The following SS18 variants were observed in gnomAD, a reference collection of about 807,000 sequenced individuals.
The protein encoded by SS18 is protein SSXT.
SS18 carries 28 observed loss-of-function variants against 72.5 expected under a neutral mutation model. That is an observed-to-expected ratio of 0.39 (90% CI 0.29 to 0.53). The LOEUF is 0.53. Ranked by LOEUF, SS18 falls within the 20% of genes least tolerant of loss-of-function variation. The pLI is 0.76. For synonymous variants in SS18, 172 were observed against 164.2 expected, an observed-to-expected ratio of 1.05 and a Z score of -0.37; for missense variants, 518 against 535.3, an observed-to-expected ratio of 0.97 and a Z score of 0.32.
intron 10 of SS18, 89 bp downstream of exon 10, chr18:26,032,310 C>G: frequency 6.8e-7 from 1 of 1,470,272 alleles, no homozygotes; most frequent in Non-Finnish European, 9.3e-7. Flanking sequence ...AAACATGAGG[C>G]TTCAAGTTAA....
chr18:26,086,779 T>C (rs1215598692), intron 2 of SS18, among the ~76,000 whole-genome samples: 1 of 152,218 alleles, frequency 6.6e-6, no homozygotes, highest in African/African-American at 2.4e-5. Flanking sequence ...TTTCACCACA[T>C]ACATGGATGC....
intron 5 of SS18, among the ~76,000 whole-genome samples, chr18:26,041,007 G>C (rs966845776): frequency 2.0e-5 from 3 of 152,082 alleles, no homozygotes; most frequent in Non-Finnish European, 4.4e-5. Context: ...TTTAGCCAAG[G>C]AATCTAAAAA....
At chr18:26,054,726 A>G (rs1341102619) in intron 4 of SS18, among the ~76,000 whole-genome samples, 1 of 151,402 alleles carries the variant, frequency 6.6e-6, no homozygotes, top group East Asian at 1.9e-4. Context: ...TATTTTATAT[A>G]GAGAAAATCT....
chr18:26,053,340 T>C (rs2053956550), intron 4 of SS18, among the ~76,000 whole-genome samples: 2 of 150,522 alleles, frequency 1.3e-5, no homozygotes, highest in Non-Finnish European at 2.9e-5. Flanking sequence ...CACTAACTAA[T>C]TCTAGATGAA....
rs371497796 is a variant in SS18 at position 26,059,437 on chromosome 18, G to A, written c.232-1695C>T. Among the ~76,000 whole-genome samples, 11 of 152,170 alleles carry A rather than the reference G, an allele frequency of 7.2e-5. No individual in the cohort carries two copies. The East Asian group carries it at 7.7e-4, about 11-fold the overall frequency. On this transcript the variant is annotated intron_variant, in intron 3 of 10. Coordinates refer to ENST00000415083, the MANE Select transcript of SS18 (RefSeq NM_001007559.3). ...TAAAGAATAAATTTCCAGAGAGAAA[G>A]GACCACAAGAGGGGAAACATTCAAG... is the stretch of plus-strand genomic sequence containing the variant.
chr18:26,066,867 T>C (rs770502460), intron 3 of SS18, among the ~76,000 whole-genome samples: 9 of 152,214 alleles, frequency 5.9e-5, no homozygotes, highest in Non-Finnish European at 1.3e-4. Flanking sequence ...TTTGTGGAAC[T>C]TTCCATAATC....
intron 7 of SS18, among the ~76,000 whole-genome samples, chr18:26,038,061 A>T (rs571167910): frequency 6.6e-6 from 1 of 152,170 alleles, no homozygotes; most frequent in Non-Finnish European, 1.5e-5. Context: ...AATTTTTCTC[A>T]AAGGCAAGCA....
intron 10 of SS18, among the ~76,000 whole-genome samples, chr18:26,026,947 G>C (rs2053456079): frequency 6.6e-6 from 1 of 152,198 alleles, no homozygotes; most frequent in South Asian, 2.1e-4. Context: ...ATATGACACT[G>C]TTAAAAAAAA....
chr18:26,035,538 G>A lies in SS18; in HGVS notation c.973+293C>T, dbSNP rs866721641. On this transcript the variant is annotated intron_variant, in intron 8 of 10. Transcript: ENST00000415083. This position sits in a 1 kb window ranked among gnomAD's most constrained non-coding sequence, Gnocchi z 4.4. ...AAATTATACATATGTAAACACACAC[G>A]AGAAAAAAAAGTTTGATGGATTTAT... The A allele has an allele frequency of 3.3e-6, 1 of 300,612 alleles. No homozygotes were observed. 18.6% of individuals were successfully genotyped at this position (300,612 alleles called of 1,614,324 possible).
intron 1 of SS18, 76 bp from the exon 2 acceptor site, chr18:26,087,653 G>T (rs368019721): frequency 2.4e-6 from 2 of 846,128 alleles, no homozygotes; most frequent in Admixed American, 4.5e-5. Flanking sequence ...ATTCAGAAAG[G>T]GAGGGCATTA....
chr18:26,062,836 T>C (rs537551542), intron 3 of SS18, among the ~76,000 whole-genome samples: 6 of 152,322 alleles, frequency 3.9e-5, no homozygotes, highest in African/African-American at 1.4e-4. Flanking sequence ...CAATCATAAA[T>C]GTGTATACAT....
At chr18:26,080,409 G>A in intron 2 of SS18, 1 of 985,148 alleles carries the variant, frequency 1.0e-6, no homozygotes, top group South Asian at 4.7e-5. Context: ...TAACAGATGT[G>A]GTTTATTCAT....
chr18:26,082,079 A>AT (rs1330091871), intron 2 of SS18, among the ~76,000 whole-genome samples: 2 of 152,142 alleles, frequency 1.3e-5, no homozygotes, highest in African/African-American at 4.8e-5. Context: ...ACAAAAAAAA[A>AT]GAGTATATGT....
intron 6 of SS18, among the ~76,000 whole-genome samples, chr18:26,039,082 G>A (rs2053675133): frequency 1.4e-5 from 2 of 147,110 alleles, no homozygotes; most frequent in Non-Finnish European, 3.0e-5. Context: ...AAAATTGTAT[G>A]GTATAACTTA....
Position 26,048,781 on chromosome 18 carries a change from T to C in SS18, c.607+3843A>G, listed in dbSNP as rs117629180. On this transcript the variant is annotated intron_variant, in intron 5 of 10. Transcript: ENST00000415083. ...GCAACTTAGCCACGTGAATCAACAC[T>C]TTCTTAATACTATTAAAACACCCAG... Among the ~76,000 whole-genome samples, 1,487 of 152,354 alleles carry C rather than the reference T, an allele frequency of 9.8e-3. 13 individuals carry two copies. Among genetic ancestry groups the C allele is most frequent in the Non-Finnish European group, 0.014 (924 of 68,032 alleles).
intron 5 of SS18, among the ~76,000 whole-genome samples, chr18:26,044,393 G>A (rs944819128): frequency 2.0e-5 from 3 of 147,350 alleles, no homozygotes; most frequent in Non-Finnish European, 4.4e-5. Flanking sequence ...GTACAATCTC[G>A]GCTGACTGCA....
intron 5 of SS18, among the ~76,000 whole-genome samples, chr18:26,045,128 G>C (rs1258412066): frequency 1.3e-5 from 2 of 152,148 alleles, no homozygotes; most frequent in African/African-American, 4.8e-5. Flanking sequence ...AATACAACAA[G>C]AGCCTCTTAA....
intron 5 of SS18, among the ~76,000 whole-genome samples, chr18:26,051,221 A>C (rs1166341193): frequency 2.0e-5 from 3 of 152,176 alleles, no homozygotes; most frequent in Admixed American, 6.5e-5. Flanking sequence ...GAAATTTATA[A>C]CTATGAGAAC....
At chr18:26,038,714 G>C in intron 6 of SS18, 55 bp from the exon 7 acceptor site, 1 of 1,406,460 alleles carries the variant, frequency 7.1e-7, no homozygotes, top group Non-Finnish European at 1.0e-6. Flanking sequence ...TGTCATCAAA[G>C]GCTTTCTTTC....
Sources: allele counts gnomAD v4.1 joint callset (sites outside exome capture counted in the v4.1 genomes callset), GRCh38; gene constraint gnomAD v4.1.1; non-coding constraint Gnocchi (gnomAD v3.1); transcripts MANE v1.5; gene names NCBI Gene and HGNC (gene_info 2026-07-23, HGNC 2026-07-21).